PCGF3: variants seen among roughly 807,000 people sequenced by gnomAD.
PCGF3 encodes the protein polycomb group RING finger protein 3.
In PCGF3, 7 loss-of-function variants were observed where a neutral mutation model predicts 33.1. The ratio of observed to expected loss-of-function variants is 0.21; its 90% CI spans 0.12 to 0.40. PCGF3 has a LOEUF of 0.40. Among genes scored for constraint, PCGF3 ranks in the 10% least tolerant of loss-of-function variants. PCGF3 has a pLI of 1.00. For missense variants in PCGF3, 211 were observed against 313.3 expected, an observed-to-expected ratio of 0.67 and a Z score of 2.46; for synonymous variants, 153 against 121.3, an observed-to-expected ratio of 1.26 and a Z score of -1.72.
chr4:728,949 A>C (rs1218498332), intron 1 of PCGF3, among the ~76,000 whole-genome samples: 4 of 151,848 alleles, frequency 2.6e-5, no homozygotes. Flanking sequence ...AAAATATAAA[A>C]GTTAACTGGG....
chr4:766,191 G>C (rs1419882131), exon 11 of PCGF3: 1 of 793,108 alleles, frequency 1.3e-6, no homozygotes, highest in Non-Finnish European at 2.1e-6. Context: ...TCTGAATAGA[G>C]AATATTTATA....
chr4:753,696 C>T (rs1050945518), intron 8 of PCGF3, among the ~76,000 whole-genome samples: 5 of 151,546 alleles, frequency 3.3e-5, no homozygotes, highest in African/African-American at 4.9e-5. Flanking sequence ...GCCTGTAATC[C>T]CAGTACTTTG....
chr4:734,312 C>A (rs1050554438), intron 4 of PCGF3: 6 of 1,444,526 alleles, frequency 4.2e-6, no homozygotes, highest in Admixed American at 5.7e-5. Flanking sequence ...ACCTGAGGCC[C>A]CATGGCTGGC....
intron 9 of PCGF3, chr4:761,861 C>A (rs1010313032): frequency 2.0e-6 from 2 of 985,240 alleles, no homozygotes; most frequent in African/African-American, 3.5e-5. Context: ...TCCCTGTGAG[C>A]CCCCAAGGCA....
intron 1 of PCGF3, among the ~76,000 whole-genome samples, chr4:716,465 AGT>A (rs1478846926): frequency 4.8e-5 from 6 of 124,410 alleles, no homozygotes; most frequent in Admixed American, 8.1e-5. Flanking sequence ...GGACACTGCG[AGT>A]GTGAGAACTG....
chr4:767,448 A>C (rs1308840021), exon 11 of PCGF3: 1 of 151,808 alleles, frequency 6.6e-6, no homozygotes. Flanking sequence ...GTTCCCATTT[A>C]TTTCCTGTGG....
intron 5 of PCGF3, 39 bp from the exon 6 acceptor site, chr4:737,427 A>C: frequency 7.3e-7 from 1 of 1,362,572 alleles, no homozygotes. Flanking sequence ...TATAGAATTA[A>C]CATTTCCAGC....
chr4:719,816 C>T (rs369678666), intron 1 of PCGF3, among the ~76,000 whole-genome samples: 8 of 152,162 alleles, frequency 5.3e-5, no homozygotes, highest in Non-Finnish European at 1.0e-4. Flanking sequence ...CGTGTCCTGC[C>T]GCTGCTGCAG....
At chr4:754,639 G>A (rs1269469231) in intron 8 of PCGF3, among the ~76,000 whole-genome samples, 1 of 152,238 alleles carries the variant, frequency 6.6e-6, no homozygotes, top group East Asian at 1.9e-4. Context: ...TGGAGGTGAG[G>A]TTGGGGACCT....
At chr4:713,708 C>G (rs1028695077) in intron 1 of PCGF3, among the ~76,000 whole-genome samples, 7 of 152,184 alleles carry the variant, frequency 4.6e-5, no homozygotes, top group Non-Finnish European at 5.9e-5. Flanking sequence ...AGCTGATCCT[C>G]ATGGATGCTG....
intron 1 of PCGF3, among the ~76,000 whole-genome samples, chr4:717,428 G>C (rs1476252457): frequency 6.6e-6 from 1 of 152,192 alleles, no homozygotes; most frequent in Non-Finnish European, 1.5e-5. Context: ...CACTCAGACT[G>C]GAGTGCAGTG....
At chr4:709,720 G>C (rs965018253) in intron 1 of PCGF3, among the ~76,000 whole-genome samples, 2 of 152,178 alleles carry the variant, frequency 1.3e-5, no homozygotes, top group Admixed American at 6.5e-5. Flanking sequence ...TGGATGGTTC[G>C]GGATTTCATC....
intron 1 of PCGF3, among the ~76,000 whole-genome samples, chr4:718,244 AGTCGGGGG>A (rs930132112): frequency 8.6e-5 from 13 of 151,936 alleles, no homozygotes; most frequent in African/African-American, 2.9e-4. Context: ...GGAAACGTGG[AGTCGGGGG>A]GTCTGTGGGG....
At chr4:754,099 C>T (rs1259288786) in intron 8 of PCGF3, among the ~76,000 whole-genome samples, 1 of 152,138 alleles carries the variant, frequency 6.6e-6, no homozygotes, top group South Asian at 2.1e-4. Context: ...TTCGCTCGTG[C>T]AGAGTTAGGA....
chr4:740,489 GTCTTTGGT>G (rs1049017017), intron 6 of PCGF3, among the ~76,000 whole-genome samples: 1 of 151,938 alleles, frequency 6.6e-6, no homozygotes, highest in Non-Finnish European at 1.5e-5. Context: ...GCGTGTCATG[GTCTTTGGT>G]GTGCCAGGCT....
At chr4:722,632 C>T (rs1444349910) in intron 1 of PCGF3, among the ~76,000 whole-genome samples, 5 of 144,586 alleles carry the variant, frequency 3.5e-5, no homozygotes, top group Admixed American at 6.8e-5. Flanking sequence ...CAGTCATCGC[C>T]GTCCGCGCCG....
exon 11 of PCGF3, chr4:766,101 A>C: frequency 1.2e-6 from 2 of 1,611,958 alleles, no homozygotes; most frequent in Non-Finnish European, 8.5e-7. Context: ...CAGCGCCCAC[A>C]GACTGGGCCC....
At chr4:741,180 C>T (rs1342595361) in intron 6 of PCGF3, among the ~76,000 whole-genome samples, 2 of 152,186 alleles carry the variant, frequency 1.3e-5, no homozygotes, top group Non-Finnish European at 2.9e-5. Context: ...CAGCAATATT[C>T]CCTACTCACA....
intron 1 of PCGF3, among the ~76,000 whole-genome samples, chr4:712,582 G>C (rs949044920): frequency 3.3e-5 from 5 of 152,190 alleles, no homozygotes; most frequent in African/African-American, 1.2e-4. Context: ...AAGTAGCTGG[G>C]ATTACAGGCG....
Sources: allele counts gnomAD v4.1 joint callset (sites outside exome capture counted in the v4.1 genomes callset), GRCh38; gene constraint gnomAD v4.1.1; transcripts MANE v1.5; gene names NCBI Gene and HGNC (gene_info 2026-07-23, HGNC 2026-07-21).